The following ADGRA2 variants were observed in gnomAD, a reference collection of about 807,000 sequenced individuals.
ADGRA2 encodes the protein G-protein coupled receptor 124.
Under a neutral mutation model 98.7 loss-of-function variants are expected in ADGRA2, and 61 were observed. The ratio of observed to expected loss-of-function variants is 0.62; its 90% CI spans 0.50 to 0.76. The LOEUF (loss-of-function observed/expected upper bound fraction) is 0.76, where lower values mean the gene tolerates loss of function less well. ADGRA2 is among the 30% of genes least tolerant of loss of function. The probability of loss-of-function intolerance (pLI) is 0.00; values close to 1 mark genes in which losing one functional copy is unlikely to be tolerated. For synonymous variants in ADGRA2, 858 were observed against 831.5 expected, an observed-to-expected ratio of 1.03 and a Z score of -0.55; for missense variants, 1,712 against 1,860.0, an observed-to-expected ratio of 0.92 and a Z score of 1.46.
chr8:37,809,495 C>T (rs1320983604), intron 1 of ADGRA2, among the ~76,000 whole-genome samples: 1 of 152,122 alleles, frequency 6.6e-6, no homozygotes, highest in Non-Finnish European at 1.5e-5. Context: ...GCCAAAAGAT[C>T]CAACCCTGGG....
intron 8 of ADGRA2, 130 bp downstream of exon 8, chr8:37,831,717 T>A: frequency 1.3e-6 from 1 of 751,170 alleles, no homozygotes; most frequent in Non-Finnish European, 2.2e-6. Flanking sequence ...AGACACTTCC[T>A]TTTGTCATTC....
At chr8:37,816,635 C>CAT (rs1422363203) in intron 2 of ADGRA2, among the ~76,000 whole-genome samples, 35 of 139,112 alleles carry the variant, frequency 2.5e-4, no homozygotes, top group Non-Finnish European at 9.3e-5. Flanking sequence ...CACACACACA[C>CAT]GGCTGGGTGC....
rs376864601 is a variant in ADGRA2 at position 37,834,082 on chromosome 8, G to A, written c.1562G>A (p.Arg521His). 27 of 1,612,538 alleles carry A rather than the reference G, an allele frequency of 1.7e-5. No homozygotes were observed. The highest frequency in any genetic ancestry group is 2.7e-5 in the African/African-American group (2 of 74,938). Residue 521 changes from arginine to histidine, a missense_variant, in exon 11 of 19, where the codon CGC becomes CAC. Transcript: ENST00000412232. The surrounding 1 kb of genome is among the most constrained non-coding windows in gnomAD (Gnocchi z 4.2). ...ACSRIVGALERIGGAALSPHA... is the reference protein window; with the variant it reads ...ACSRIVGALEHIGGAALSPHA... Reference sequence around the variant, plus strand: ...AGCCGCATCGTGGGTGCCCTGGAGCGCATTGGGGGGGCCGCCCTCAGCCCC... The same window carrying A: ...AGCCGCATCGTGGGTGCCCTGGAGCACATTGGGGGGGCCGCCCTCAGCCCC...
In ADGRA2 at chr8:37,842,418, C is replaced by T; in HGVS notation, c.*63C>T. The T allele has an allele frequency of 7.1e-7, 1 of 1,411,254 alleles. No homozygotes were observed. The highest frequency in any genetic ancestry group is 9.2e-7 in the Non-Finnish European group (1 of 1,083,470). 87.4% of individuals were successfully genotyped at this position (1,411,254 alleles called of 1,614,324 possible). Reference sequence around the variant, plus strand: ...GGCTCGTTCCCCCGCTCCTCGGGGCCCTCCAAGGTGTCTCCGTAGTCAGCA... The same window carrying T: ...GGCTCGTTCCCCCGCTCCTCGGGGCTCTCCAAGGTGTCTCCGTAGTCAGCA... On this transcript the variant is annotated 3_prime_UTR_variant, in exon 19 of 19. Transcript: ENST00000412232.
In ADGRA2 at chr8:37,843,472, T is replaced by C. The variant is rs1287439865; in HGVS notation, c.*1117T>C. 1 of 152,192 alleles carries C rather than the reference T, an allele frequency of 6.6e-6. No individual in the cohort carries two copies. The highest frequency in any genetic ancestry group is 2.4e-5 in the African/African-American group (1 of 41,424). 9.4% of individuals were successfully genotyped at this position (152,192 alleles called of 1,614,324 possible). A position where few individuals can be genotyped will look rare whatever the true frequency, so the allele number is the denominator to read the frequency against. ...CTGCAGGTCATGAGGGGCCTATGCC[T>C]TTACTCCTTTTAAACACCAGCACCC... On this transcript the variant is annotated 3_prime_UTR_variant, in exon 19 of 19. Transcript: ENST00000412232.
Position 37,838,107 on chromosome 8 carries a change from C to A in ADGRA2, c.2259+168C>A, listed in dbSNP as rs35330409. ...ATGTGGGGAAATGGCCCTTTGGCCTCTCCTACCTCTCCATCTTTCAGGAGA... is the reference window on the plus strand; with the variant it reads ...ATGTGGGGAAATGGCCCTTTGGCCTATCCTACCTCTCCATCTTTCAGGAGA... On this transcript the variant is annotated intron_variant, in intron 14 of 18. Transcript: ENST00000412232. Among the ~76,000 whole-genome samples the A allele has an allele frequency of 2.0e-5, 3 of 152,230 alleles. No homozygotes were observed. In the South Asian group the frequency reaches 6.2e-4, roughly 31 times the overall value.
intron 2 of ADGRA2, among the ~76,000 whole-genome samples, chr8:37,823,881 AT>A (rs1192597522): frequency 2.0e-5 from 3 of 148,974 alleles, no homozygotes; most frequent in African/African-American, 7.5e-5. Context: ...TCCTTTGCCC[AT>A]TTTTTTCAAC....
chr8:37,841,694 C>G lies in ADGRA2; in HGVS notation c.3356C>G (p.Ser1119Cys). The change falls in exon 19 of 19, where the codon TCC becomes TGC. Residue 1119 changes from serine (S) to cysteine (C), a missense_variant. Ser to Cys is a moderately radical substitution (Grantham distance 112). Coordinates refer to ENST00000412232, the MANE Select transcript of ADGRA2 (RefSeq NM_032777.10). The surrounding 1 kb of genome is among the most constrained non-coding windows in gnomAD (Gnocchi z 5.0). ...GGGGAGGGCCCCCCCTCCCTCAAGTCCTCCCCAAGCGGCAGCAGCGGCCAT... is the reference window on the plus strand; with the variant it reads ...GGGGAGGGCCCCCCCTCCCTCAAGTGCTCCCCAAGCGGCAGCAGCGGCCAT... ...VFGEGPPSLK[S>C]SPSGSSGHPL... The G allele has an allele frequency of 6.5e-7, 1 of 1,538,592 alleles. No homozygotes were observed. The highest frequency in any genetic ancestry group is 8.8e-7 in the Non-Finnish European group (1 of 1,142,510).
chr8:37,797,370 G>T lies in ADGRA2; in HGVS notation c.102G>T (p.Ala34=), dbSNP rs1804359868. 3 of 1,422,610 alleles carry T rather than the reference G, an allele frequency of 2.1e-6. No homozygotes were observed. The highest frequency in any genetic ancestry group is 2.8e-6 in the Non-Finnish European group (3 of 1,089,320). The allele number at this position is 1,422,610 out of a possible 1,614,324, so 88.1% of individuals were successfully genotyped here. ...TCCTGGCGCCCGAGGCTCGGGGCGCGCCCGGCTGCCCGCTATCCATCCGCA... is the reference window on the plus strand; with the variant it reads ...TCCTGGCGCCCGAGGCTCGGGGCGCTCCCGGCTGCCCGCTATCCATCCGCA... ...LLLLAPEARG[A]PGCPLSIRSC... The change falls in exon 1 of 19, where the codon GCG becomes GCT. Residue 34 remains alanine, a synonymous_variant. Transcript: ENST00000412232. This position sits in a 1 kb window ranked among gnomAD's most constrained non-coding sequence, Gnocchi z 5.3.
intron 2 of ADGRA2, among the ~76,000 whole-genome samples, chr8:37,815,335 C>T (rs191365462): frequency 6.6e-6 from 1 of 152,270 alleles, no homozygotes; most frequent in African/African-American, 2.4e-5. Context: ...AAGCGACTGA[C>T]TGCGGCCCTT....
chr8:37,831,651 C>A, intron 8 of ADGRA2, 64 bp downstream of exon 8: 2 of 1,439,286 alleles, frequency 1.4e-6, no homozygotes, highest in Non-Finnish European at 1.9e-6. Context: ...CACCTGACAT[C>A]ACAGGTGGCC....
At chr8:37,837,360 GCCTCCCT>G (rs931723826) in intron 13 of ADGRA2, among the ~76,000 whole-genome samples, 6 of 71,254 alleles carry the variant, frequency 8.4e-5, no homozygotes, top group African/African-American at 3.2e-4. Flanking sequence ...CATCCCGCCC[GCCTCCCT>G]CCTCCCTCCT....
intron 2 of ADGRA2, among the ~76,000 whole-genome samples, chr8:37,823,398 AC>A (rs1296368955): frequency 6.6e-6 from 1 of 151,832 alleles, no homozygotes; most frequent in East Asian, 1.9e-4. Flanking sequence ...TAGGGGTCTC[AC>A]TGTGTTGCTC....
At chr8:37,807,890 C>G (rs1173471560) in intron 1 of ADGRA2, among the ~76,000 whole-genome samples, 1 of 152,196 alleles carries the variant, frequency 6.6e-6, no homozygotes, top group African/African-American at 2.4e-5. Context: ...TGACTCTTCC[C>G]GCACATGTGA....
At chr8:37,816,584 TCC>T (rs1209268192) in intron 2 of ADGRA2, among the ~76,000 whole-genome samples, 2 of 144,038 alleles carry the variant, frequency 1.4e-5, no homozygotes, top group East Asian at 2.1e-4. Context: ...AGAGCGAGAC[TCC>T]GTCTCAAACA....
At chr8:37,806,526 C>CTTTTTTTTTTTATTTTTTTTTTTTTTT (rs1804669822) in intron 1 of ADGRA2, among the ~76,000 whole-genome samples, 1 of 100,356 alleles carries the variant, frequency 1.0e-5, no homozygotes, top group Non-Finnish European at 1.9e-5. Flanking sequence ...TTTTCTTTTT[C>CTTTTTTTTTTTATTTTTTTTTTTTTTT]TTTTTTTTTT....
Position 37,840,853 on chromosome 8 carries a change from A to T in ADGRA2, c.2747+4A>T. ...ACTACCGGGACCACAGCCCCTAGTG[A>T]GCACCCCTCCCTCCCGCCCCAAGCC... On this transcript the variant is annotated splice_donor_region_variant and intron_variant, in intron 18 of 18. Coordinates refer to ENST00000412232, the MANE Select transcript of ADGRA2 (RefSeq NM_032777.10). The T allele has an allele frequency of 6.5e-7, 1 of 1,537,998 alleles. No individual in the cohort carries two copies. The highest frequency in any genetic ancestry group is 9.0e-7 in the Non-Finnish European group (1 of 1,112,916).
intron 1 of ADGRA2, among the ~76,000 whole-genome samples, chr8:37,804,684 C>A (rs2129906297): frequency 6.6e-6 from 1 of 152,326 alleles, no homozygotes; most frequent in South Asian, 2.1e-4. Flanking sequence ...GAAGGAGAGC[C>A]CCCACATTAA....
At chr8:37,829,138 A>C (rs1585396036) in intron 3 of ADGRA2, 123 bp from the exon 4 acceptor site, 1 of 808,376 alleles carries the variant, frequency 1.2e-6, no homozygotes, top group Non-Finnish European at 2.0e-6. Context: ...GCCTGGCCCC[A>C]ACCTCATCTC....
Sources: allele counts gnomAD v4.1 joint callset (sites outside exome capture counted in the v4.1 genomes callset), GRCh38; gene constraint gnomAD v4.1.1; non-coding constraint Gnocchi (gnomAD v3.1); transcripts MANE v1.5; gene names NCBI Gene and HGNC (gene_info 2026-07-23, HGNC 2026-07-21).